The following MAMLD1 variants were observed in gnomAD, a reference collection of about 807,000 sequenced individuals.
MAMLD1 encodes the protein mastermind-like domain-containing protein 1.
Under a neutral mutation model 45.0 loss-of-function variants are expected in MAMLD1, and 14 were observed. The observed-to-expected ratio is 0.31, with a 90% confidence interval of 0.21 to 0.49. The LOEUF (loss-of-function observed/expected upper bound fraction) is 0.49. MAMLD1 is among the 20% of genes least tolerant of loss of function. The pLI, the probability that MAMLD1 is intolerant of heterozygous loss-of-function variation, is 0.99. For synonymous variants in MAMLD1, 254 were observed against 247.8 expected (o/e 1.02, Z -0.24); for missense variants, 543 against 603.6 (o/e 0.90, Z 1.05).
At chrX:150,484,098 A>T (rs1396621425) in intron 5 of MAMLD1, among the ~76,000 whole-genome samples, 1 of 112,227 alleles carries the variant, frequency 8.9e-6, no homozygotes, top group Non-Finnish European at 1.9e-5. Context: ...GAAGGCTGTT[A>T]AGCATATGTT....
chrX:150,452,541 G>A (rs1412075770), intron 2 of MAMLD1, among the ~76,000 whole-genome samples: 2 of 111,076 alleles, frequency 1.8e-5, no homozygotes, highest in Non-Finnish European at 3.8e-5. Flanking sequence ...CAATGTACAA[G>A]ACTATAAGAA....
At chrX:150,428,279 A>G (rs782565801) in intron 1 of MAMLD1, among the ~76,000 whole-genome samples, 3 of 112,260 alleles carry the variant, frequency 2.7e-5, no homozygotes, top group Non-Finnish European at 5.6e-5. Flanking sequence ...ACAAGTAACA[A>G]AGCCATAGAG....
At position 150,512,105 on chromosome X, in the gene MAMLD1, C is replaced by T; in HGVS notation, c.*146C>T. 3.5e-6 allele frequency: 4 copies of T among 1,152,911 alleles called. No homozygotes were observed. Among genetic ancestry groups the T allele is most frequent in the Non-Finnish European group, 4.6e-6 (4 of 871,151 alleles). The stretch of plus-strand genomic sequence containing the variant: ...CAGAACTGGGCTTCTTCAGAACAAT[C>T]TGAGTCCAGGAATGATCCCACTCAC... On this transcript the variant is annotated 3_prime_UTR_variant, in exon 8 of 8. Transcript: ENST00000370401.
chrX:150,473,942 T>C (rs993127355), intron 5 of MAMLD1, 140 bp downstream of exon 5: 5 of 670,693 alleles, frequency 7.5e-6, no homozygotes, highest in Admixed American at 2.3e-5. Context: ...ACCAATTACC[T>C]AGGTGGGGTT....
Position 150,473,407 on chromosome X carries a change from T to A in MAMLD1, c.1918-273T>A, listed in dbSNP as rs184855163. Among the ~76,000 whole-genome samples the A allele has an allele frequency of 2.5e-3, 280 of 112,441 alleles. 2 individuals carry two copies. Among genetic ancestry groups the A allele is most frequent in the African/African-American group, 8.6e-3 (267 of 30,931 alleles). On this transcript the variant is annotated intron_variant, in intron 4 of 7. Coordinates refer to ENST00000370401, the MANE Select transcript of MAMLD1 (RefSeq NM_005491.5). ...GGGAAGCACCTGTCAAGGGCTGACC[T>A]CTTATTTAAGAGCTCTGTATGAGCA... is the stretch of plus-strand genomic sequence containing the variant.
chrX:150,513,109 A>T lies in MAMLD1; in HGVS notation c.*1150A>T. 1 of 1,097,259 alleles carries T rather than the reference A, an allele frequency of 9.1e-7. No homozygotes were observed. 90.4% of individuals were successfully genotyped at this position (1,097,259 alleles called of 1,213,427 possible). ...GATGCCCATAGAAACCCCCATGGTGACATCACTCTAGGAAGTGGTGTCGAT... is the reference window on the plus strand; with the variant it reads ...GATGCCCATAGAAACCCCCATGGTGTCATCACTCTAGGAAGTGGTGTCGAT... On this transcript the variant is annotated 3_prime_UTR_variant, in exon 8 of 8. Transcript: ENST00000370401.
At chrX:150,415,305 C>T (rs1557403002) in intron 1 of MAMLD1, among the ~76,000 whole-genome samples, 2 of 112,675 alleles carry the variant, frequency 1.8e-5, no homozygotes, top group African/African-American at 3.2e-5. Flanking sequence ...ATTTCTTAAA[C>T]GAATATAAAA....
At chrX:150,365,102 C>A (rs1466539446) in intron 1 of MAMLD1, among the ~76,000 whole-genome samples, 1 of 108,576 alleles carries the variant, frequency 9.2e-6, no homozygotes, top group Non-Finnish European at 1.9e-5. Context: ...TAGATCCCCC[C>A]TCCCTCCCAC....
Position 150,449,554 on chromosome X carries a change from C to A in MAMLD1, c.96+3942C>A, listed in dbSNP as rs2035596849. On this transcript the variant is annotated intron_variant, in intron 2 of 7. Transcript: ENST00000370401. ...CGCCCATCAGCTTTGGAGGCATATA[C>A]TTCTTGCAGAAAAAGTGCTGGACTC... Among the ~76,000 whole-genome samples the A allele has an allele frequency of 2.7e-5, 3 of 111,803 alleles. No homozygotes were observed. The South Asian group carries it at 1.1e-3, about 43-fold the overall frequency.
At chrX:150,449,688 CCTGT>C (rs1362094236) in intron 2 of MAMLD1, among the ~76,000 whole-genome samples, 8 of 111,351 alleles carry the variant, frequency 7.2e-5, no homozygotes, top group South Asian at 7.8e-4. Context: ...GCTCTAAGGG[CCTGT>C]CTATCTCTGG....
At chrX:150,482,027 A>AGAAG (rs1491159494) in intron 5 of MAMLD1, among the ~76,000 whole-genome samples, 15 of 107,332 alleles carry the variant, frequency 1.4e-4, no homozygotes, top group Non-Finnish European at 2.1e-4. Context: ...AAAGAAAGAA[A>AGAAG]GAAAGAATTG....
intron 1 of MAMLD1, among the ~76,000 whole-genome samples, chrX:150,427,616 G>C (rs1276740232): frequency 4.5e-5 from 5 of 111,531 alleles, no homozygotes; most frequent in Non-Finnish European, 9.4e-5. Flanking sequence ...AAGCTATTAG[G>C]ATGAGGGACA....
intron 1 of MAMLD1, among the ~76,000 whole-genome samples, chrX:150,381,226 T>TC (rs781915815): frequency 1.2e-3 from 139 of 112,195 alleles, no homozygotes; most frequent in Non-Finnish European, 2.3e-3. Flanking sequence ...TTAACAGCCT[T>TC]TTATTTTGAG....
At chrX:150,372,760 G>T (rs1316973631) in intron 1 of MAMLD1, among the ~76,000 whole-genome samples, 2 of 112,298 alleles carry the variant, frequency 1.8e-5, no homozygotes, top group African/African-American at 6.5e-5. Flanking sequence ...CAATCTGGTT[G>T]TTTCTAGTGA....
chrX:150,493,379 A>G (rs2037250047), intron 5 of MAMLD1, among the ~76,000 whole-genome samples: 1 of 112,337 alleles, frequency 8.9e-6, no homozygotes. Flanking sequence ...ATGATTTTAT[A>G]TAAACTTGAG....
At chrX:150,462,966 CCAGG>C (rs1206166285) in intron 3 of MAMLD1, 120 bp downstream of exon 3, 1 of 570,644 alleles carries the variant, frequency 1.8e-6, no homozygotes, top group African/African-American at 2.3e-5. Flanking sequence ...GAGGCAGAGC[CCAGG>C]GAGAAGTGAG....
At chrX:150,456,356 G>A (rs1223794954) in intron 2 of MAMLD1, among the ~76,000 whole-genome samples, 1 of 110,829 alleles carries the variant, frequency 9.0e-6, no homozygotes, top group East Asian at 2.8e-4. Flanking sequence ...TGTAAATCAG[G>A]GACCCCAAGC....
intron 1 of MAMLD1, among the ~76,000 whole-genome samples, chrX:150,438,128 A>G (rs782786980): frequency 8.9e-6 from 1 of 111,919 alleles, no homozygotes; most frequent in Admixed American, 9.5e-5. Flanking sequence ...GTTTTTTACT[A>G]TTATGAATAG....
chrX:150,495,270 A>G (rs1486737410), intron 5 of MAMLD1, among the ~76,000 whole-genome samples: 1 of 112,276 alleles, frequency 8.9e-6, no homozygotes, highest in Non-Finnish European at 1.9e-5. Flanking sequence ...GGAAGACACA[A>G]TCTAAGCATT....
Sources: gnomAD v4.1 joint callset for allele counts (sites outside exome capture counted in the v4.1 genomes callset) on GRCh38, gnomAD v4.1.1 for gene constraint, MANE v1.5 for transcripts, NCBI Gene and HGNC (gene_info 2026-07-23, HGNC 2026-07-21) for gene names.